The following IRS1 variants were observed in gnomAD, a reference collection of about 807,000 sequenced individuals.
The protein encoded by IRS1 is insulin receptor substrate 1.
In IRS1, 34 loss-of-function variants were observed where a neutral mutation model predicts 65.6. That is an observed-to-expected ratio of 0.52 (90% confidence interval 0.39 to 0.69). The LOEUF is 0.69. IRS1 is among the 30% of genes least tolerant of loss of function. IRS1 has a pLI of 0.00. For synonymous variants in IRS1, 699 were observed against 683.5 expected (o/e 1.02, Z -0.35); for missense variants, 1,641 against 1,720.2 (o/e 0.95, Z 0.81).
In IRS1 at chr2:226,736,120, A is replaced by T. The variant is rs1938318550; in HGVS notation, c.*152T>A. ...CCTGAGGATTGGATAAAGTAAACAA[A>T]CTGAAATGGATGCATCGTACCATCT... On this transcript the variant is annotated 3_prime_UTR_variant, in exon 2 of 2. Transcript: ENST00000305123. The T allele has an allele frequency of 6.6e-6, 1 of 152,608 alleles. No individual in the cohort carries two copies. Among genetic ancestry groups the T allele is most frequent in the Admixed American group, 6.5e-5 (1 of 15,274 alleles). 9.5% of individuals were successfully genotyped at this position (152,608 alleles called of 1,614,324 possible). A position where few individuals can be genotyped will look rare whatever the true frequency, so the allele number is the denominator to read the frequency against.
At chr2:226,744,390 A>C (rs182848499) in intron 1 of IRS1, among the ~76,000 whole-genome samples, 1 of 152,332 alleles carries the variant, frequency 6.6e-6, no homozygotes, top group African/African-American at 2.4e-5. Context: ...ATCCTTAAAC[A>C]GGCCTAACAG....
At chr2:226,761,539 C>T (rs1938914518) in intron 1 of IRS1, among the ~76,000 whole-genome samples, 1 of 152,106 alleles carries the variant, frequency 6.6e-6, no homozygotes, top group Non-Finnish European at 1.5e-5. Context: ...CTTTCTGGCC[C>T]CCTTCTCCAC....
intron 1 of IRS1, among the ~76,000 whole-genome samples, chr2:226,786,934 T>A (rs1168328033): frequency 1.3e-5 from 2 of 151,958 alleles, no homozygotes; most frequent in Middle Eastern, 3.2e-3. Context: ...GGAACCACAG[T>A]TCAAAGTGTT....
intron 1 of IRS1, among the ~76,000 whole-genome samples, chr2:226,775,030 A>T (rs568883090): frequency 6.6e-6 from 1 of 152,342 alleles, no homozygotes; most frequent in South Asian, 2.1e-4. Flanking sequence ...CAAGTAATTA[A>T]GCATTTGTCA....
chr2:226,753,085 T>C (rs1299191200), intron 1 of IRS1, among the ~76,000 whole-genome samples: 1 of 152,032 alleles, frequency 6.6e-6, no homozygotes, highest in East Asian at 1.9e-4. Flanking sequence ...AAAGAAGAAC[T>C]GAAAAGGGAT....
intron 1 of IRS1, among the ~76,000 whole-genome samples, chr2:226,742,214 G>C (rs952863089): frequency 5.3e-5 from 8 of 152,274 alleles, no homozygotes; most frequent in African/African-American, 1.9e-4. Flanking sequence ...GCTTGGAAAA[G>C]GAGAAAACTA....
rs146476194 is a variant in IRS1 at position 226,794,776 on chromosome 2, C to T, written c.*21+213G>A. Among the ~76,000 whole-genome samples the T allele has an allele frequency of 2.0e-5, 3 of 152,254 alleles. No individual in the cohort carries two copies. The highest frequency in any genetic ancestry group is 1.9e-4 in the East Asian group (1 of 5,180). On this transcript the variant is annotated intron_variant, in intron 1 of 1. Transcript: ENST00000305123. This position sits in a 1 kb window ranked among gnomAD's most constrained non-coding sequence, Gnocchi z 4.1. ...ACTACTTCACTTGGGAATTCTCAAA[C>T]GAAAAAGCCCTCCTGTGGCTGCTCC... is the stretch of plus-strand genomic sequence containing the variant.
chr2:226,787,918 C>A (rs979650976), intron 1 of IRS1, among the ~76,000 whole-genome samples: 1 of 151,588 alleles, frequency 6.6e-6, no homozygotes, highest in African/African-American at 2.4e-5. Flanking sequence ...TTATAAATGT[C>A]TTTTATTATT....
chr2:226,780,115 G>A (rs565968253), intron 1 of IRS1, among the ~76,000 whole-genome samples: 32 of 152,272 alleles, frequency 2.1e-4, no homozygotes, highest in Admixed American at 1.4e-3. Flanking sequence ...GGTAGCAGCC[G>A]GGTGCGGTGG....
chr2:226,767,375 A>C (rs961475863), intron 1 of IRS1, among the ~76,000 whole-genome samples: 2 of 152,238 alleles, frequency 1.3e-5, no homozygotes, highest in African/African-American at 2.4e-5. Flanking sequence ...CATGGTTTCC[A>C]AAATAAAAAA....
At chr2:226,742,074 G>C (rs1032786094) in intron 1 of IRS1, among the ~76,000 whole-genome samples, 1 of 152,088 alleles carries the variant, frequency 6.6e-6, no homozygotes. Context: ...CTGGTCCAGC[G>C]CTATTAACTA....
chr2:226,796,186 G>T lies in IRS1; in HGVS notation c.2553C>A (p.Thr851=). 1 of 1,613,698 alleles carries T rather than the reference G, an allele frequency of 6.2e-7. No homozygotes were observed. ...TCGTGGGCCGGGCCAGGCGGCTATT[G>T]GTCTGAGCAGCTGTGTCCACCTTTC... ...LPRKVDTAAQ[T]NSRLARPTRL... The change falls in exon 1 of 2, where the codon ACC becomes ACA. Residue 851 remains threonine (T), a synonymous_variant. Coordinates refer to ENST00000305123, the MANE Select transcript of IRS1 (RefSeq NM_005544.3).
chr2:226,786,015 T>C (rs529583427), intron 1 of IRS1, among the ~76,000 whole-genome samples: 2 of 149,810 alleles, frequency 1.3e-5, no homozygotes, highest in South Asian at 4.5e-4. Context: ...GTCCTTGCGA[T>C]AGTTTGCTGA....
intron 1 of IRS1, among the ~76,000 whole-genome samples, chr2:226,745,386 G>A (rs762341252): frequency 1.3e-5 from 2 of 152,130 alleles, no homozygotes; most frequent in Non-Finnish European, 2.9e-5. Flanking sequence ...CCCCAAAAAA[G>A]GTTATTTTCA....
rs760773926 is a variant in IRS1 at position 226,795,118 on chromosome 2, A to T, written c.3621T>A (p.Pro1207=). The T allele has an allele frequency of 3.2e-5, 6 of 185,866 alleles. No individual in the cohort carries two copies. Among genetic ancestry groups the T allele is most frequent in the Non-Finnish European group, 4.4e-5 (5 of 112,968 alleles). The allele number at this position is 185,866 out of a possible 1,614,324, so 11.5% of individuals were successfully genotyped here. ...TCTCACCGCTGCCCAGGGGTTGATG[A>T]GGGGGTGGGGGTGGGGGAGGCTGCG... ...PEPQPPPPPP[P]HQPLGSGESS... Residue 1207 remains proline, a synonymous_variant, in exon 1 of 2, where the codon CCT becomes CCA. Coordinates refer to ENST00000305123, the MANE Select transcript of IRS1 (RefSeq NM_005544.3).
At chr2:226,788,750 G>A (rs528552791) in intron 1 of IRS1, among the ~76,000 whole-genome samples, 12 of 152,220 alleles carry the variant, frequency 7.9e-5, no homozygotes, top group African/African-American at 2.9e-4. Context: ...TTTGAAATTA[G>A]TATGCAATTA....
intron 1 of IRS1, among the ~76,000 whole-genome samples, chr2:226,783,825 G>A (rs1346462368): frequency 6.6e-6 from 1 of 152,138 alleles, no homozygotes; most frequent in East Asian, 1.9e-4. Flanking sequence ...CAATGGGATA[G>A]TAGCAAATGT....
Position 226,798,047 on chromosome 2 carries a change from G to A in IRS1, c.692C>T (p.Thr231Met), listed in dbSNP as rs1939784459. Residue 231 changes from threonine (T) to methionine (M), a missense_variant, in exon 1 of 2, where the codon ACG becomes ATG. By Grantham distance (81) the Thr-to-Met change is moderately conservative. This residue lies in a region of IRS1 where 77 missense variants were observed against 129.6 expected (regional missense o/e 0.59). Transcript: ENST00000305123. The surrounding 1 kb of genome is among the most constrained non-coding windows in gnomAD (Gnocchi z 9.4). ...FFIEVGRSAV[T>M]GPGEFWMQVD... ...CTGCATCCAGAACTCCCCGGGCCCC[G>A]TCACGGCAGAACGGCCCACCTCGAT... The A allele has an allele frequency of 1.2e-6, 2 of 1,614,026 alleles. No individual in the cohort carries two copies. The highest frequency in any genetic ancestry group is 1.1e-5 in the South Asian group (1 of 91,076).
intron 1 of IRS1, among the ~76,000 whole-genome samples, chr2:226,760,626 C>T (rs1291087361): frequency 6.6e-6 from 1 of 152,168 alleles, no homozygotes; most frequent in Non-Finnish European, 1.5e-5. Flanking sequence ...CCCCACCCCC[C>T]TCCACAAAAG....
Sources: gnomAD v4.1 joint callset for allele counts (sites outside exome capture counted in the v4.1 genomes callset) on GRCh38, gnomAD v4.1.1 for gene constraint, gnomAD v4.1.1 regional missense constraint, Gnocchi (gnomAD v3.1) non-coding constraint, MANE v1.5 for transcripts, NCBI Gene and HGNC (gene_info 2026-07-23, HGNC 2026-07-21) for gene names.